Variants in KHDRBS2 observed in about 807,000 individuals in gnomAD.
KHDRBS2 encodes the protein KH RNA binding domain containing, signal transduction associated 2.
A neutral mutation model predicts 44.3 loss-of-function variants in KHDRBS2; 26 were observed. The ratio of observed to expected loss-of-function variants is 0.59; its 90% CI spans 0.43 to 0.81. The LOEUF is 0.81. Ranked by LOEUF, KHDRBS2 falls within the 40% of genes least tolerant of loss-of-function variation. The pLI is 0.00. For synonymous variants in KHDRBS2, 194 were observed against 151.1 expected (o/e 1.28, Z -2.08); for missense variants, 476 against 433.1 (o/e 1.10, Z -0.88).
chr6:61,941,387 C>A (rs1270854161), intron 4 of KHDRBS2, among the ~76,000 whole-genome samples: 1 of 152,042 alleles, frequency 6.6e-6, no homozygotes, highest in Non-Finnish European at 1.5e-5. Flanking sequence ...GCCCCAAGAA[C>A]CTGCCCACCC....
At chr6:61,666,991 GTT>G in the KHDRBS2 span, among the ~76,000 whole-genome samples, 3 of 140,524 alleles carry the variant, frequency 2.1e-5, no homozygotes, top group African/African-American at 2.6e-5. Flanking sequence ...AACCTTCTGG[GTT>G]TTTTTTTTTT....
At chr6:61,862,691 C>A (rs999383198) in intron 6 of KHDRBS2, among the ~76,000 whole-genome samples, 1 of 151,976 alleles carries the variant, frequency 6.6e-6, no homozygotes, top group South Asian at 2.1e-4. Context: ...GGTAAATAAG[C>A]TTTTTTGATA....
chr6:61,985,196 A>T (rs567240920), intron 3 of KHDRBS2, among the ~76,000 whole-genome samples: 3 of 152,190 alleles, frequency 2.0e-5, no homozygotes, highest in Non-Finnish European at 4.4e-5. Flanking sequence ...GAATCTTTAC[A>T]GTCTAAAGAG....
intron 6 of KHDRBS2, among the ~76,000 whole-genome samples, chr6:61,892,669 T>C (rs1356602444): frequency 6.6e-6 from 1 of 152,186 alleles, no homozygotes; most frequent in African/African-American, 2.4e-5. Flanking sequence ...CCCTATTTAA[T>C]AAATGGTGCT....
intron 2 of KHDRBS2, among the ~76,000 whole-genome samples, chr6:62,056,738 A>T (rs1301203161): frequency 7.9e-5 from 12 of 152,008 alleles, no homozygotes; most frequent in Non-Finnish European, 1.5e-5. Context: ...CATCAAACTC[A>T]GAAATACCAA....
At chr6:61,759,540 T>C (rs1778972630) in intron 6 of KHDRBS2, among the ~76,000 whole-genome samples, 2 of 152,132 alleles carry the variant, frequency 1.3e-5, no homozygotes, top group South Asian at 2.1e-4. Context: ...TTTTTAGATA[T>C]AGGAATTTTG....
At chr6:62,194,509 T>A (rs1257877256) in intron 1 of KHDRBS2, among the ~76,000 whole-genome samples, 1 of 87,544 alleles carries the variant, frequency 1.1e-5, no homozygotes, top group African/African-American at 3.9e-5. Flanking sequence ...TTTTTTTTTT[T>A]TTTTTTTTTG....
chr6:61,776,078 G>C (rs989593618), intron 6 of KHDRBS2, among the ~76,000 whole-genome samples: 5 of 152,146 alleles, frequency 3.3e-5, no homozygotes, highest in Admixed American at 1.3e-4. Context: ...TGGGAAAACT[G>C]GCTAGCCATA....
intron 6 of KHDRBS2, among the ~76,000 whole-genome samples, chr6:61,805,420 T>A (rs1786991676): frequency 6.6e-6 from 1 of 152,214 alleles, no homozygotes; most frequent in South Asian, 2.1e-4. Flanking sequence ...TGTCTTTTTC[T>A]GAGACCTACC....
At chr6:61,877,248 C>T (rs906385658) in intron 6 of KHDRBS2, among the ~76,000 whole-genome samples, 5 of 151,738 alleles carry the variant, frequency 3.3e-5, no homozygotes, top group African/African-American at 9.7e-5. Context: ...GGCTAAAAGA[C>T]CCAAAGGAAC....
chr6:62,104,658 G>T (rs1802719039), intron 2 of KHDRBS2, among the ~76,000 whole-genome samples: 1 of 151,574 alleles, frequency 6.6e-6, no homozygotes, highest in Non-Finnish European at 1.5e-5. Flanking sequence ...AATCCATAAG[G>T]ATAAGGGATG....
intron 2 of KHDRBS2, among the ~76,000 whole-genome samples, chr6:62,073,032 C>G (rs1422504831): frequency 1.3e-5 from 2 of 151,984 alleles, no homozygotes; most frequent in Non-Finnish European, 2.9e-5. Context: ...TGCTATCGGT[C>G]TATTCAGAGA....
At chr6:62,194,476 CTTCCTTTTTTTT>C (rs1825243788) in intron 1 of KHDRBS2, among the ~76,000 whole-genome samples, 1 of 89,348 alleles carries the variant, frequency 1.1e-5, no homozygotes, top group African/African-American at 5.6e-5. Context: ...CTTTTCTTTT[CTTCCTTTTTTTT>C]TTTTTTTTTT....
intron 7 of KHDRBS2, among the ~76,000 whole-genome samples, chr6:61,706,141 A>G (rs1769507612): frequency 6.6e-6 from 1 of 151,770 alleles, no homozygotes; most frequent in Non-Finnish European, 1.5e-5. Context: ...CCAACAACTC[A>G]TTGCATCACC....
At chr6:61,874,777 C>T (rs1401749952) in intron 6 of KHDRBS2, among the ~76,000 whole-genome samples, 3 of 152,052 alleles carry the variant, frequency 2.0e-5, no homozygotes, top group South Asian at 2.1e-4. Context: ...ACACCCATCC[C>T]GGTGTCAGTA....
chr6:62,083,093 C>T (rs1362242799), intron 2 of KHDRBS2, among the ~76,000 whole-genome samples: 1 of 152,100 alleles, frequency 6.6e-6, no homozygotes, highest in Non-Finnish European at 1.5e-5. Context: ...TTTTCCCACC[C>T]AAATGTTGCC....
intron 2 of KHDRBS2, among the ~76,000 whole-genome samples, chr6:62,070,927 A>T (rs945308014): frequency 6.6e-6 from 1 of 152,158 alleles, no homozygotes; most frequent in African/African-American, 2.4e-5. Flanking sequence ...TGACTTCCAC[A>T]ATGGTTGAAC....
chr6:62,230,546 T>C (rs1832735464), intron 1 of KHDRBS2, among the ~76,000 whole-genome samples: 1 of 152,304 alleles, frequency 6.6e-6, no homozygotes, highest in Non-Finnish European at 1.5e-5. Context: ...CCCACTCCCA[T>C]TGATCAATTT....
At chr6:61,667,130 AG>A in the KHDRBS2 span, among the ~76,000 whole-genome samples, 1 of 149,310 alleles carries the variant, frequency 6.7e-6, no homozygotes, top group Admixed American at 6.7e-5. Flanking sequence ...ATAGCCGCAA[AG>A]TACTTTTTTT....
Sources: allele counts gnomAD v4.1 joint callset (sites outside exome capture counted in the v4.1 genomes callset), GRCh38; gene constraint gnomAD v4.1.1; transcripts MANE v1.5; gene names NCBI Gene and HGNC (gene_info 2026-07-23, HGNC 2026-07-21).